PCDH15: variants seen among roughly 807,000 people sequenced by gnomAD.
PCDH15 encodes the protein protocadherin related 15, also known as protocadherin-15.
A neutral mutation model predicts 178.5 loss-of-function variants in PCDH15; 129 were observed. The ratio of observed to expected loss-of-function variants is 0.72; its 90% CI spans 0.63 to 0.84. The LOEUF is 0.84. Among genes scored for constraint, PCDH15 ranks in the 40% least tolerant of loss-of-function variants. The pLI is 0.00. For synonymous variants in PCDH15, 800 were observed against 732.0 expected (o/e 1.09, Z -1.50); for missense variants, 2,230 against 2,099.9 (o/e 1.06, Z -1.21).
At chr10:54,980,778 A>G (rs1839213611) in intron 2 of PCDH15, among the ~76,000 whole-genome samples, 1 of 151,950 alleles carries the variant, frequency 6.6e-6, no homozygotes, top group South Asian at 2.1e-4. Context: ...GTATTTTTCT[A>G]TTAGGTAATT....
At chr10:54,562,807 A>G (rs2088397791) in intron 2 of PCDH15, among the ~76,000 whole-genome samples, 2 of 152,136 alleles carry the variant, frequency 1.3e-5, no homozygotes, top group Non-Finnish European at 2.9e-5. Context: ...GATTGAAACC[A>G]AATCATTTCA....
At chr10:53,958,912 G>C (rs2087924105) in intron 23 of PCDH15, among the ~76,000 whole-genome samples, 1 of 147,860 alleles carries the variant, frequency 6.8e-6, no homozygotes, top group Admixed American at 6.8e-5. Context: ...CCAGGAGGTG[G>C]AGCTTGTAGT....
intron 37 of PCDH15, chr10:53,808,326 G>A (rs927371980): frequency 2.4e-5 from 11 of 452,278 alleles, no homozygotes; most frequent in African/African-American, 1.9e-4. Context: ...TATAGTGTGT[G>A]TGTGTATATA....
intron 3 of PCDH15, among the ~76,000 whole-genome samples, chr10:54,466,451 G>T (rs1159983048): frequency 6.6e-6 from 1 of 151,260 alleles, no homozygotes; most frequent in African/African-American, 2.4e-5. Context: ...CCTAGTGTAG[G>T]TTCTTGGTGT....
chr10:54,847,960 G>A (rs1953543140), intron 3 of PCDH15, among the ~76,000 whole-genome samples: 1 of 152,144 alleles, frequency 6.6e-6, no homozygotes, highest in Admixed American at 6.5e-5. Flanking sequence ...TGAATGTTAT[G>A]AATGTTCCCT....
intron 4 of PCDH15, among the ~76,000 whole-genome samples, chr10:54,378,546 T>C (rs1339992340): frequency 2.6e-5 from 4 of 152,082 alleles, no homozygotes; most frequent in African/African-American, 9.7e-5. Context: ...TATTTTCTTC[T>C]TGTTCAGAAA....
intron 2 of PCDH15, among the ~76,000 whole-genome samples, chr10:55,133,805 A>T (rs1838118522): frequency 6.6e-6 from 1 of 152,218 alleles, no homozygotes; most frequent in South Asian, 2.1e-4. Context: ...ACCACATCTA[A>T]CACATAAAGA....
intron 1 of PCDH15, among the ~76,000 whole-genome samples, chr10:54,666,744 A>G (rs1332743146): frequency 1.3e-5 from 2 of 152,050 alleles, no homozygotes; most frequent in African/African-American, 4.8e-5. Flanking sequence ...AAAATTAAAG[A>G]GACGGTAATA....
At chr10:54,712,385 C>G (rs185030940) in intron 1 of PCDH15, among the ~76,000 whole-genome samples, 2 of 151,778 alleles carry the variant, frequency 1.3e-5, no homozygotes, top group Admixed American at 1.3e-4. Flanking sequence ...ACAGCTAAGA[C>G]ACAACAAGCA....
chr10:54,794,294 T>G (rs2133601169), intron 1 of PCDH15, among the ~76,000 whole-genome samples: 1 of 151,586 alleles, frequency 6.6e-6, no homozygotes, highest in East Asian at 1.9e-4. Flanking sequence ...CCTAAAAAGT[T>G]ATTTGAGAAA....
intron 8 of PCDH15, among the ~76,000 whole-genome samples, chr10:54,307,695 C>T (rs1277265102): frequency 6.6e-6 from 1 of 151,844 alleles, no homozygotes; most frequent in African/African-American, 2.4e-5. Context: ...TAAAAAGATA[C>T]CTCGACTGTT....
intron 14 of PCDH15, among the ~76,000 whole-genome samples, chr10:54,146,896 A>ATATATATATAGTGTATATATATAGTG (rs1324832159): frequency 8.9e-6 from 1 of 112,170 alleles, no homozygotes; most frequent in Non-Finnish European, 1.9e-5. Context: ...GTGTGTATAC[A>ATATATATATAGTGTATATATATAGTG]TATATATATA....
chr10:55,170,453 G>C (rs542920032), intron 1 of PCDH15, among the ~76,000 whole-genome samples: 2 of 152,180 alleles, frequency 1.3e-5, no homozygotes. Flanking sequence ...CAGCCTTAAA[G>C]GTGTCTTAAA....
At chr10:54,171,301 AG>A (rs1193713214) in intron 13 of PCDH15, among the ~76,000 whole-genome samples, 3 of 152,148 alleles carry the variant, frequency 2.0e-5, no homozygotes, top group African/African-American at 7.2e-5. Context: ...CACCTCACCA[AG>A]CTCAGCCACC....
chr10:54,769,785 T>C (rs1948889877), intron 1 of PCDH15, among the ~76,000 whole-genome samples: 1 of 152,102 alleles, frequency 6.6e-6, no homozygotes, highest in African/African-American at 2.4e-5. Flanking sequence ...ATAAGCCAGT[T>C]AGGGTGAAAT....
rs755498370 is a variant in PCDH15 at position 54,315,308 on chromosome 10, A to AT, written c.876+1962dup. Among the ~76,000 whole-genome samples, 20 of 152,136 alleles carry AT rather than the reference A, an allele frequency of 1.3e-4. No homozygotes were observed. In the East Asian group the frequency reaches 1.5e-3, roughly 12 times the overall value. On this transcript the variant is annotated intron_variant, in intron 8 of 37. Coordinates refer to ENST00000644397, the MANE Select transcript of PCDH15 (RefSeq NM_001384140.1). ...GATTAGTGACATTTAACTGTTTTTC[A>AT]TTTTTTTATTGGCCACATGTATGTA...
chr10:54,223,304 C>CAAAAA (rs57667414), intron 9 of PCDH15, among the ~76,000 whole-genome samples: 1 of 30,698 alleles, frequency 3.3e-5, no homozygotes, highest in African/African-American at 6.5e-5. Flanking sequence ...AACTACGTCT[C>CAAAAA]AAAAAAAAAA....
rs201845436 is a variant in PCDH15, at chr10:54,346,454, C to A, written c.505G>T (p.Gly169Ter). The change falls in exon 6 of 38, where the codon GGA (glycine) becomes TGA (stop). Residue 169 changes from glycine to a stop codon, truncating the protein, a stop_gained. Coordinates refer to ENST00000644397, the MANE Select transcript of PCDH15 (RefSeq NM_001384140.1). LOFTEE classifies it high-confidence loss of function. ...LTPVGTTIFT[G>*]FSGDNGATDI... The stretch of plus-strand genomic sequence containing the variant: ...GTAGCTCCATTGTCTCCTGAAAATC[C>A]TGTGAATATTGTGGTACCAACTGGA... 6.2e-7 allele frequency: 1 copy of A among 1,613,754 alleles called. No homozygotes were observed.
At chr10:54,541,982 A>G (rs1465416770) in intron 2 of PCDH15, among the ~76,000 whole-genome samples, 1 of 152,232 alleles carries the variant, frequency 6.6e-6, no homozygotes, top group Non-Finnish European at 1.5e-5. Flanking sequence ...ATGTGTACTT[A>G]AGCTGCATTA....
Sources: allele counts gnomAD v4.1 joint callset (sites outside exome capture counted in the v4.1 genomes callset), GRCh38; gene constraint gnomAD v4.1.1; transcripts MANE v1.5; gene names NCBI Gene and HGNC (gene_info 2026-07-23, HGNC 2026-07-21).